The following DPP4 variants were observed in gnomAD, a reference collection of about 807,000 sequenced individuals.
DPP4 encodes ADCP-2.
Under a neutral mutation model 122.4 loss-of-function variants are expected in DPP4, and 93 were observed. That is an observed-to-expected ratio of 0.76 (90% CI 0.64 to 0.90). The LOEUF (loss-of-function observed/expected upper bound fraction) is 0.90, where lower values mean the gene tolerates loss of function less well. DPP4 is among the 40% of genes least tolerant of loss of function. DPP4 has a pLI of 0.00. For missense variants in DPP4, 914 were observed against 907.3 expected, an observed-to-expected ratio of 1.01 and a Z score of -0.09; for synonymous variants, 321 against 302.9, an observed-to-expected ratio of 1.06 and a Z score of -0.62.
rs999081644 is a variant in DPP4 at position 162,069,892 on chromosome 2, C to A, written c.94+3507G>T. ...CGAAAGAAGGTATAGAAGAAATTTA[C>A]CACTAAAGCAGTGAAAGGAGCAAAA... On this transcript the variant is annotated intron_variant, in intron 2 of 25. Coordinates refer to ENST00000360534, the MANE Select transcript of DPP4 (RefSeq NM_001935.4). 3.3e-5 allele frequency among the ~76,000 whole-genome samples: 5 copies of A among 151,994 alleles called. No homozygotes were observed. In the East Asian group the frequency reaches 9.6e-4, roughly 29 times the overall value.
In DPP4 at chr2:162,010,714, G is replaced by A. The variant is rs184620043; in HGVS notation, c.1832+1079C>T. 1.9e-3 allele frequency among the ~76,000 whole-genome samples: 290 copies of A among 152,172 alleles called. 1 individual carries two copies. Among genetic ancestry groups the A allele is most frequent in the African/African-American group, 6.8e-3 (281 of 41,506 alleles). ...TCACTCTCAAACAAATGTATCCCCTGTTTATTCTAAATCTCTATTTTTTAA... is the reference window on the plus strand; with the variant it reads ...TCACTCTCAAACAAATGTATCCCCTATTTATTCTAAATCTCTATTTTTTAA... On this transcript the variant is annotated intron_variant, in intron 20 of 25. Transcript: ENST00000360534.
chr2:162,073,689 C>T (rs1448199219), intron 1 of DPP4: 10 of 663,202 alleles, frequency 1.5e-5, no homozygotes, highest in Non-Finnish European at 2.4e-5. Flanking sequence ...CTTGTGCCTT[C>T]AGAGCACATT....
intron 2 of DPP4, among the ~76,000 whole-genome samples, chr2:162,060,311 A>T (rs1278144624): frequency 1.3e-5 from 2 of 152,214 alleles, no homozygotes; most frequent in Admixed American, 1.3e-4. Flanking sequence ...TCAAAGTCAA[A>T]AGAGTGCAAA....
chr2:162,009,428 T>C (rs1701363483), intron 20 of DPP4, 133 bp from the exon 21 acceptor site: 1 of 700,946 alleles, frequency 1.4e-6, no homozygotes, highest in East Asian at 2.7e-5. Flanking sequence ...CTGCCAGTAA[T>C]CAAATAAACA....
chr2:162,013,241 C>G (rs1682771739), intron 19 of DPP4, among the ~76,000 whole-genome samples: 3 of 151,498 alleles, frequency 2.0e-5, no homozygotes, highest in African/African-American at 7.3e-5. Context: ...TAATGGAGAT[C>G]AAATCGTTAC....
intron 19 of DPP4, among the ~76,000 whole-genome samples, chr2:162,013,264 C>T (rs114618841): frequency 6.5e-4 from 99 of 152,006 alleles, no homozygotes; most frequent in African/African-American, 2.3e-3. Flanking sequence ...ACTAGGAAGT[C>T]AAAGAAGATA....
At chr2:162,018,680 A>G in intron 16 of DPP4, 49 bp downstream of exon 16, 2 of 1,593,948 alleles carry the variant, frequency 1.3e-6, no homozygotes, top group Non-Finnish European at 1.7e-6. Flanking sequence ...GCTGCTTCGA[A>G]GTGAGTAACA....
intron 5 of DPP4, among the ~76,000 whole-genome samples, chr2:162,041,131 G>C (rs111455040): frequency 6.6e-6 from 1 of 152,066 alleles, no homozygotes; most frequent in Non-Finnish European, 1.5e-5. Flanking sequence ...AGACTTTAGA[G>C]AGCCAAGTGA....
intron 2 of DPP4, among the ~76,000 whole-genome samples, chr2:162,058,583 G>A (rs923714179): frequency 2.0e-5 from 3 of 152,152 alleles, no homozygotes; most frequent in Non-Finnish European, 2.9e-5. Context: ...TCTGAATCTC[G>A]TTATTCAAGT....
At position 161,993,332 on chromosome 2, in the gene DPP4, A is replaced by G; in HGVS notation, c.2252T>C (p.Ile751Thr). Reference sequence around the variant, plus strand: ...TATGAAGTGGCTCATGTGGGTATATATATGTTGGTGTGCTGTGCTGCTAGC... The same window carrying G: ...TATGAAGTGGCTCATGTGGGTATATGTATGTTGGTGTGCTGTGCTGCTAGC... Reference protein sequence around the residue: ...GIASSTAHQHIYTHMSHFIKQ... With the variant: ...GIASSTAHQHTYTHMSHFIKQ... Residue 751 changes from isoleucine (I) to threonine (T), a missense_variant, in exon 26 of 26, where the codon ATA (isoleucine) becomes ACA (threonine). Physicochemically the swap from Ile to Thr is moderately conservative, Grantham distance 89. Transcript: ENST00000360534. 6.2e-7 allele frequency: 1 copy of G among 1,613,764 alleles called. No homozygotes were observed. Among genetic ancestry groups the G allele is most frequent in the Non-Finnish European group, 8.5e-7 (1 of 1,179,818 alleles).
At chr2:161,997,273 G>A (rs879271261) in intron 23 of DPP4, among the ~76,000 whole-genome samples, 1 of 152,074 alleles carries the variant, frequency 6.6e-6, no homozygotes, top group Admixed American at 6.5e-5. Flanking sequence ...TTTTTGTCTG[G>A]TAAGATGTCT....
chr2:162,062,321 A>G (rs1409925995), intron 2 of DPP4, among the ~76,000 whole-genome samples: 1 of 152,112 alleles, frequency 6.6e-6, no homozygotes, highest in East Asian at 1.9e-4. Flanking sequence ...CAATTTTATC[A>G]CTATATTATT....
intron 23 of DPP4, among the ~76,000 whole-genome samples, chr2:162,004,175 G>C (rs1027028748): frequency 1.3e-5 from 2 of 152,212 alleles, no homozygotes; most frequent in Non-Finnish European, 2.9e-5. Context: ...ACTGGGCTTA[G>C]TTGAGTACAC....
rs1683392206 is a variant in DPP4, at chr2:162,027,949, T to A, written c.888-3010A>T. Among the ~76,000 whole-genome samples, 4 of 151,996 alleles carry A rather than the reference T, an allele frequency of 2.6e-5. No individual in the cohort carries two copies. In the South Asian group the frequency reaches 8.3e-4, roughly 32 times the overall value. ...ACCCTGTGCATGCTCAGCAAGGCAG[T>A]TCACCCGTGGCGCAGACAGGAATTT... On this transcript the variant is annotated intron_variant, in intron 10 of 25. Transcript: ENST00000360534.
intron 9 of DPP4, 53 bp from the exon 10 acceptor site, chr2:162,033,706 C>T (rs1206237240): frequency 1.6e-6 from 2 of 1,241,318 alleles, no homozygotes; most frequent in East Asian, 2.5e-5. Flanking sequence ...AAAGTAACAT[C>T]GTTGCACACA....
chr2:162,040,428 A>T (rs1229028948), intron 5 of DPP4, among the ~76,000 whole-genome samples: 1 of 152,112 alleles, frequency 6.6e-6, no homozygotes, highest in Non-Finnish European at 1.5e-5. Flanking sequence ...AATCTCAAAC[A>T]CATATTGCTA....
In DPP4 at chr2:161,997,353, AT is replaced by A. The variant is rs1483084307; in HGVS notation, c.2053-1982del. Among the ~76,000 whole-genome samples, 5 of 152,108 alleles carry A rather than the reference AT, an allele frequency of 3.3e-5. No individual in the cohort carries two copies. The East Asian group carries it at 9.6e-4, about 29-fold the overall frequency. On this transcript the variant is annotated intron_variant, in intron 23 of 25. Coordinates refer to ENST00000360534, the MANE Select transcript of DPP4 (RefSeq NM_001935.4). ...AACATCACCATTTATCCCTCCGTTG[AT>A]TTTTTTCATCTAGTCAATCAATATT...
At chr2:162,030,370 C>T (rs1353951718) in intron 10 of DPP4, among the ~76,000 whole-genome samples, 1 of 152,194 alleles carries the variant, frequency 6.6e-6, no homozygotes, top group Admixed American at 6.5e-5. Flanking sequence ...CCCATTTCTG[C>T]TAATTCCTAA....
rs202200007 is a variant in DPP4, at chr2:162,074,018, G to T, written c.-37C>A. The stretch of plus-strand genomic sequence containing the variant: ...CCTCGGAAGTGAGCGTTCAGAGAAG[G>T]AGCGCAGGCAGAAGTCACCGCGGGC... On this transcript the variant is annotated 5_prime_UTR_variant, in exon 1 of 26. Transcript: ENST00000360534. 6.2e-7 allele frequency: 1 copy of T among 1,608,126 alleles called. No individual in the cohort carries two copies. The highest frequency in any genetic ancestry group is 2.2e-5 in the East Asian group (1 of 44,492).
Sources: gnomAD v4.1 joint callset for allele counts (sites outside exome capture counted in the v4.1 genomes callset) on GRCh38, gnomAD v4.1.1 for gene constraint, MANE v1.5 for transcripts, NCBI Gene and HGNC (gene_info 2026-07-23, HGNC 2026-07-21) for gene names.